Variants in CSF1R observed in about 807,000 individuals in gnomAD.
CSF1R encodes macrophage colony-stimulating factor 1 receptor.
A neutral mutation model predicts 110.0 loss-of-function variants in CSF1R; 40 were observed. The ratio of observed to expected loss-of-function variants is 0.36; its 90% confidence interval spans 0.28 to 0.47. CSF1R has a LOEUF of 0.47. Among genes scored for constraint, CSF1R ranks in the 20% least tolerant of loss-of-function variants. CSF1R has a pLI of 0.99. For synonymous variants in CSF1R, 523 were observed against 503.4 expected (o/e 1.04, Z -0.52); for missense variants, 1,052 against 1,253.0 (o/e 0.84, Z 2.42).
chr5:150,105,510 C>T (rs375916350), intron 1 of CSF1R, among the ~76,000 whole-genome samples: 4 of 151,390 alleles, frequency 2.6e-5, no homozygotes, highest in South Asian at 4.2e-4. Context: ...GCCACTACAC[C>T]TGGCCTCTTT....
At chr5:150,072,635 AC>A (rs889801220) in intron 6 of CSF1R, among the ~76,000 whole-genome samples, 1 of 152,172 alleles carries the variant, frequency 6.6e-6, no homozygotes, top group African/African-American at 2.4e-5. Context: ...AGAAAGCAAG[AC>A]CCCAAGAACA....
chr5:150,060,997 A>T, intron 12 of CSF1R, 25 bp from the exon 13 acceptor site: 2 of 1,527,656 alleles, frequency 1.3e-6, no homozygotes, highest in South Asian at 2.4e-5. Flanking sequence ...CACAGTCCCA[A>T]AGACAGGGAG....
chr5:150,111,965 C>T (rs1012633597), intron 1 of CSF1R, among the ~76,000 whole-genome samples: 3 of 152,170 alleles, frequency 2.0e-5, no homozygotes, highest in African/African-American at 7.2e-5. Flanking sequence ...CAAACCTGGA[C>T]TAAATGACAC....
At chr5:150,065,673 C>T (rs1757735836) in intron 10 of CSF1R, among the ~76,000 whole-genome samples, 1 of 151,472 alleles carries the variant, frequency 6.6e-6, no homozygotes, top group Non-Finnish European at 1.5e-5. Flanking sequence ...GCCCCCTCCG[C>T]TCCCATGGGT....
Position 150,091,909 on chromosome 5 carries a change from G to A in CSF1R, c.-180-5302C>T, listed in dbSNP as rs940539008. Reference sequence around the variant, plus strand: ...AAGGGAAGTTCTTTAGGTAAAAGGAGTATGATACCAGCTAGAAAGTTGGAT... The same window carrying A: ...AAGGGAAGTTCTTTAGGTAAAAGGAATATGATACCAGCTAGAAAGTTGGAT... On this transcript the variant is annotated intron_variant, in intron 1 of 21. Transcript: ENST00000286301. 2.1e-5 allele frequency among the ~76,000 whole-genome samples: 3 copies of A among 141,622 alleles called. No homozygotes were observed. In the Admixed American group the frequency reaches 2.1e-4, roughly 10 times the overall value. The allele number at this position is 141,622 out of a possible 152,430, so 92.9% of individuals were successfully genotyped here. A position where few individuals can be genotyped will look rare whatever the true frequency, so the allele number is the denominator to read the frequency against.
chr5:150,058,478 T>C (rs965949635), intron 14 of CSF1R, among the ~76,000 whole-genome samples: 1 of 152,224 alleles, frequency 6.6e-6, no homozygotes, highest in Non-Finnish European at 1.5e-5. Context: ...AAACTATGCT[T>C]CCGTTAACAG....
rs143978974 is a variant in CSF1R at position 150,081,214 on chromosome 5, G to A, written c.50-190C>T. On this transcript the variant is annotated intron_variant, in intron 1 of 20. Coordinates refer to ENST00000675795, the MANE Select transcript of CSF1R (RefSeq NM_001288705.3). The stretch of plus-strand genomic sequence containing the variant: ...TCAACCTGCTCAGGGACAGACTGAT[G>A]TCTCTGATGTCCAGGAGGTCCCTCC... Among the ~76,000 whole-genome samples the A allele has an allele frequency of 7.5e-4, 114 of 152,266 alleles. No homozygotes were observed. The Middle Eastern group carries it at 0.031, about 41-fold the overall frequency.
At chr5:150,068,181 A>G in intron 10 of CSF1R, 34 bp downstream of exon 10, 1 of 1,562,932 alleles carries the variant, frequency 6.4e-7, no homozygotes, top group Non-Finnish European at 8.7e-7. Flanking sequence ...TGGCTCACTC[A>G]GGCACCTGGC....
chr5:150,079,167 C>G (rs73275663), intron 3 of CSF1R, among the ~76,000 whole-genome samples: 3,706 of 152,330 alleles, frequency 0.024, 154 homozygotes, highest in African/African-American at 0.085. Flanking sequence ...GGCCCAGGAC[C>G]TTTGGCTCTT....
intron 6 of CSF1R, among the ~76,000 whole-genome samples, chr5:150,072,429 G>A (rs1758069137): frequency 6.6e-6 from 1 of 152,130 alleles, no homozygotes; most frequent in Non-Finnish European, 1.5e-5. Context: ...GGGAGGCCGA[G>A]TTTGCAGTGA....
Position 150,078,167 on chromosome 5 carries a change from G to A in CSF1R, c.674C>T (p.Ser225Leu). Residue 225 changes from serine (S) to leucine (L), a missense_variant, in exon 4 of 21, where the codon TCA (serine) becomes TTA (leucine). Physicochemically the swap from Ser to Leu is moderately radical, Grantham distance 145. Around this residue, in one of 5 missense-constraint regions of CSF1R, gnomAD observed 693 missense variants for 735.4 expected, o/e 0.94. Coordinates refer to ENST00000675795, the MANE Select transcript of CSF1R (RefSeq NM_001288705.3). ...IRGEAAQIVC[S>L]ASSVDVNFDV... ...AAAGTTAACATCAACGCTGCTGGCT[G>A]AGCACACGATCTGGGCAGCCTCCCC... is the stretch of plus-strand genomic sequence containing the variant. The A allele has an allele frequency of 6.2e-7, 1 of 1,614,150 alleles. No homozygotes were observed. Among genetic ancestry groups the A allele is most frequent in the African/African-American group, 1.3e-5 (1 of 75,036 alleles).
intron 1 of CSF1R, among the ~76,000 whole-genome samples, chr5:150,110,005 G>T (rs1215015888): frequency 6.6e-6 from 1 of 152,020 alleles, no homozygotes; most frequent in African/African-American, 2.4e-5. Context: ...TAACTTCCTG[G>T]ATCTCTTCGC....
chr5:150,094,492 T>A (rs1057444513), intron 1 of CSF1R: 8 of 1,599,668 alleles, frequency 5.0e-6, no homozygotes, highest in Non-Finnish European at 6.8e-6. Context: ...TATAGGCAGA[T>A]GTACAGGACT....
intron 1 of CSF1R, among the ~76,000 whole-genome samples, chr5:150,081,405 G>A (rs926707961): frequency 3.3e-5 from 5 of 152,026 alleles, no homozygotes; most frequent in African/African-American, 7.2e-5. Context: ...TTCTACCACC[G>A]AATGAAGAAA....
In CSF1R at chr5:150,054,132, G is replaced by C. The variant is rs781341770; in HGVS notation, c.2856C>G (p.Thr952=). 18 of 1,614,000 alleles carry C rather than the reference G, an allele frequency of 1.1e-5. No homozygotes were observed. Among genetic ancestry groups the C allele is most frequent in the Non-Finnish European group, 1.4e-5 (17 of 1,179,964 alleles). The change falls in exon 21 of 21, where the codon ACC becomes ACG. Residue 952 remains threonine, a synonymous_variant. Transcript: ENST00000675795. The part of the protein sequence containing the change: ...LEEESSSEHL[T]CCEQGDIAQP... Reference sequence around the variant, plus strand: ...GGGCGATATCCCCTTGCTCGCAGCAGGTCAGGTGCTCACTAGAGCTCTCCT... The same window carrying C: ...GGGCGATATCCCCTTGCTCGCAGCACGTCAGGTGCTCACTAGAGCTCTCCT...
At chr5:150,067,112 G>C (rs1431529891) in intron 10 of CSF1R, 1 of 152,104 alleles carries the variant, frequency 6.6e-6, no homozygotes, top group East Asian at 1.9e-4. Context: ...CATGGTCTTT[G>C]TGTGGGCAGG....
At chr5:150,061,947 G>T in intron 10 of CSF1R, 98 bp from the exon 11 acceptor site, 1 of 1,553,552 alleles carries the variant, frequency 6.4e-7, no homozygotes, top group Non-Finnish European at 8.8e-7. Context: ...GCAGTCCCAA[G>T]GCGCCCAGTG....
At position 150,099,160 on chromosome 5, in the gene CSF1R, G is replaced by C. The variant is rs10067574; in HGVS notation, c.-180-12553C>G. The stretch of plus-strand genomic sequence containing the variant: ...TGACCTCAGATGATCTGCCCACCTC[G>C]GCCTCCCAAAGTGCTGGGATTACAG... On this transcript the variant is annotated intron_variant, in intron 1 of 21. Coordinates refer to the CSF1R transcript ENST00000286301. 1.9e-4 allele frequency among the ~76,000 whole-genome samples: 29 copies of C among 149,792 alleles called. No individual in the cohort carries two copies. The East Asian group carries it at 5.5e-3, about 28-fold the overall frequency.
At chr5:150,104,028 G>C (rs1296943929) in intron 1 of CSF1R, among the ~76,000 whole-genome samples, 1 of 151,976 alleles carries the variant, frequency 6.6e-6, no homozygotes, top group Non-Finnish European at 1.5e-5. Context: ...CTTAGGGGTG[G>C]GAGGGGGGTA....
Sources: allele counts gnomAD v4.1 joint callset (sites outside exome capture counted in the v4.1 genomes callset), GRCh38; gene constraint gnomAD v4.1.1; regional missense constraint gnomAD v4.1.1; transcripts MANE v1.5; gene names NCBI Gene and HGNC (gene_info 2026-07-23, HGNC 2026-07-21).